MRNIP: variants seen among roughly 807,000 people sequenced by gnomAD.
MRNIP encodes the protein MRN complex-interacting protein.
A neutral mutation model predicts 29.8 loss-of-function variants in MRNIP; 30 were observed. The ratio of observed to expected loss-of-function variants is 1.01; its 90% CI spans 0.75 to 1.36. The LOEUF is 1.36. Ranked by LOEUF, MRNIP falls within the 40% of genes most tolerant of loss-of-function variation. The probability of loss-of-function intolerance (pLI) is 0.00; values close to 1 mark genes in which losing one functional copy is unlikely to be tolerated. For missense variants in MRNIP, 459 were observed against 423.5 expected, an observed-to-expected ratio of 1.08 and a Z score of -0.74; for synonymous variants, 201 against 164.1, an observed-to-expected ratio of 1.23 and a Z score of -1.72.
chr5:179,854,019 A>ATTTT (rs543395166), intron 1 of MRNIP, among the ~76,000 whole-genome samples: 7 of 121,228 alleles, frequency 5.8e-5, no homozygotes, highest in Admixed American at 5.0e-4. Context: ...GCCTGAAATA[A>ATTTT]TTTTTTTTTT....
intron 2 of MRNIP, among the ~76,000 whole-genome samples, chr5:179,852,499 G>A (rs1271010421): frequency 1.3e-5 from 2 of 152,158 alleles, no homozygotes; most frequent in African/African-American, 2.4e-5. Flanking sequence ...TGTGCTAGGT[G>A]CTGCGGATAC....
chr5:179,837,424 A>T lies in MRNIP; in HGVS notation c.999T>A (p.Phe333Leu). 1 of 1,603,988 alleles carries T rather than the reference A, an allele frequency of 6.2e-7. No individual in the cohort carries two copies. The highest frequency in any genetic ancestry group is 8.5e-7 in the Non-Finnish European group (1 of 1,174,316). The change falls in exon 7 of 7, where the codon TTT becomes TTA. Residue 333 changes from phenylalanine to leucine, a missense_variant. Transcript: ENST00000292586. ...NPRPTRLCDL[F>L]ITGEDFDDDV ...CATCATCGAAGTCTTCCCCAGTTAT[A>T]AAGAGGTCACATAGTCGTGTGGGTC...
chr5:179,840,468 C>CCA (rs1160927), intron 6 of MRNIP: 26,673 of 316,124 alleles, frequency 0.084, 1,600 homozygotes, highest in Non-Finnish European at 0.12. Context: ...ATACAAGAGT[C>CCA]CACAGCAGGG....
At chr5:179,857,592 C>G (rs1759647995) in intron 1 of MRNIP, among the ~76,000 whole-genome samples, 1 of 152,220 alleles carries the variant, frequency 6.6e-6, no homozygotes. Context: ...TAGGACCCAG[C>G]TCCCGAAAGA....
At chr5:179,838,090 A>G in intron 6 of MRNIP, 2 of 595,428 alleles carry the variant, frequency 3.4e-6, no homozygotes, top group South Asian at 4.2e-5. Flanking sequence ...CTTCTGCTAA[A>G]TTGCATGACC....
rs1258617052 is a variant in MRNIP at position 179,841,948 on chromosome 5, C to T, written c.408G>A (p.Glu136=). 1.2e-6 allele frequency: 2 copies of T among 1,614,168 alleles called. No individual in the cohort carries two copies. Among genetic ancestry groups the T allele is most frequent in the Admixed American group, 1.7e-5 (1 of 60,020 alleles). Residue 136 remains glutamate (E), a synonymous_variant, in exon 5 of 7, where the codon GAG becomes GAA. Transcript: ENST00000292586. The part of the protein sequence containing the change: ...CFSKQPSSKM[E]EPGPRFSQDL... ...CTTGACTGAAGCGGGGGCCTGGCTC[C>T]TCCATTTTGGATGAAGGCTGTTTGC...
Position 179,852,745 on chromosome 5 carries a change from G to A in MRNIP, c.126+633C>T, listed in dbSNP as rs3857305. ...GAAGGGAGAGGTGGCACTGGGGCTG[G>A]AGCAGGAAAAGAGCAAGTTCAGTAA... On this transcript the variant is annotated intron_variant, in intron 2 of 6. Transcript: ENST00000292586. Among the ~76,000 whole-genome samples the A allele has an allele frequency of 7.5e-3, 1,137 of 152,318 alleles. 14 individuals carry two copies. The highest frequency in any genetic ancestry group is 0.026 in the African/African-American group (1,086 of 41,568).
chr5:179,842,193 G>T lies in MRNIP; in HGVS notation c.292-129C>A. 1.1e-6 allele frequency: 1 copy of T among 908,892 alleles called. No individual in the cohort carries two copies. Among genetic ancestry groups the T allele is most frequent in the Non-Finnish European group, 1.7e-6 (1 of 589,614 alleles). The allele number at this position is 908,892 out of a possible 1,614,324, so 56.3% of individuals were successfully genotyped here. A position where few individuals can be genotyped will look rare whatever the true frequency, so the allele number is the denominator to read the frequency against. On this transcript the variant is annotated intron_variant, in intron 4 of 6. Transcript: ENST00000292586. ...CCAGCTCCACTCTAGGAAAGGCACCGGCTGGAAGGTGATGGACGCCAATAC... is the reference window on the plus strand; with the variant it reads ...CCAGCTCCACTCTAGGAAAGGCACCTGCTGGAAGGTGATGGACGCCAATAC...
At chr5:179,849,853 G>A (rs551206751) in intron 2 of MRNIP, among the ~76,000 whole-genome samples, 29 of 151,024 alleles carry the variant, frequency 1.9e-4, no homozygotes, top group African/African-American at 6.8e-4. Context: ...GGTACGAGAC[G>A]GAATTTGAGA....
chr5:179,839,445 C>T (rs1758770633), intron 6 of MRNIP: 1 of 152,226 alleles, frequency 6.6e-6, no homozygotes, highest in African/African-American at 2.4e-5. Context: ...CTCAGTTCCT[C>T]ACCTTTAAAA....
At chr5:179,850,157 T>A (rs955676103) in intron 2 of MRNIP, among the ~76,000 whole-genome samples, 16 of 151,906 alleles carry the variant, frequency 1.1e-4, no homozygotes, top group African/African-American at 3.4e-4. Context: ...AGAGCCTGAA[T>A]TTGAGATCCT....
chr5:179,840,757 A>G, intron 6 of MRNIP, 115 bp downstream of exon 6: 1 of 796,186 alleles, frequency 1.3e-6, no homozygotes, highest in East Asian at 2.7e-5. Flanking sequence ...CCGGGTGGGA[A>G]GATGGGCTTT....
chr5:179,844,237 A>G lies in MRNIP; in HGVS notation c.216-10T>C. ...AGTTTCTTCTAGAGACCTTCAGGGAAGACCATACATATGCCCTTTGAAAAA... is the reference window on the plus strand; with the variant it reads ...AGTTTCTTCTAGAGACCTTCAGGGAGGACCATACATATGCCCTTTGAAAAA... On this transcript the variant is annotated splice_polypyrimidine_tract_variant and intron_variant, in intron 3 of 6. Coordinates refer to ENST00000292586, the MANE Select transcript of MRNIP (RefSeq NM_016175.4). The G allele has an allele frequency of 6.2e-7, 1 of 1,611,916 alleles. No homozygotes were observed. Among genetic ancestry groups the G allele is most frequent in the Non-Finnish European group, 8.5e-7 (1 of 1,178,074 alleles).
rs182481292 is a variant in MRNIP, at chr5:179,842,993, A to C, written c.292-929T>G. ...AGTTGCAGTGAGCTGAGATCACGCC[A>C]CTGCACTCCGGCTGGGGGACACAGC... On this transcript the variant is annotated intron_variant, in intron 4 of 6. Transcript: ENST00000292586. Among the ~76,000 whole-genome samples the C allele has an allele frequency of 9.3e-4, 129 of 138,442 alleles. 1 individual carries two copies. The East Asian group carries it at 0.026, about 28-fold the overall frequency. 90.8% of individuals were successfully genotyped at this position (138,442 alleles called of 152,430 possible). A position where few individuals can be genotyped will look rare whatever the true frequency, so the allele number is the denominator to read the frequency against.
intron 4 of MRNIP, among the ~76,000 whole-genome samples, chr5:179,843,041 A>AAGGAAGGAAG (rs1561616595): frequency 1.0e-3 from 110 of 106,282 alleles, no homozygotes; most frequent in Middle Eastern, 4.7e-3. Context: ...AAAGGAGGAA[A>AAGGAAGGAAG]GAAGGAAGGA....
rs554514929 is a variant in MRNIP at position 179,848,414 on chromosome 5, C to T, written c.127-348G>A. Among the ~76,000 whole-genome samples the T allele has an allele frequency of 2.0e-5, 3 of 152,162 alleles. No individual in the cohort carries two copies. In the South Asian group the frequency reaches 6.2e-4, roughly 32 times the overall value. On this transcript the variant is annotated intron_variant, in intron 2 of 6. Transcript: ENST00000292586. ...TATTGCCATATTGTATAACATACTG[C>T]CAAAAAATATATGAAATGATACTTA...
intron 4 of MRNIP, among the ~76,000 whole-genome samples, chr5:179,843,523 G>C (rs890378909): frequency 6.6e-6 from 1 of 152,028 alleles, no homozygotes; most frequent in Non-Finnish European, 1.5e-5. Flanking sequence ...AAGATGGCCT[G>C]AGCCCAGGAG....
chr5:179,851,013 C>T (rs1759345337), intron 2 of MRNIP: 3 of 341,124 alleles, frequency 8.8e-6, no homozygotes, highest in South Asian at 2.3e-5. Flanking sequence ...AAGGGCAGCG[C>T]CCTGCTGACC....
intron 2 of MRNIP, chr5:179,851,466 A>G (rs4700702): frequency 0.47 from 215,866 of 455,048 alleles, 55,212 homozygotes; most frequent in East Asian, 0.79. Context: ...AAAATAGAGT[A>G]AAGATATAGG....
Sources: allele counts gnomAD v4.1 joint callset (sites outside exome capture counted in the v4.1 genomes callset), GRCh38; gene constraint gnomAD v4.1.1; transcripts MANE v1.5; gene names NCBI Gene and HGNC (gene_info 2026-07-23, HGNC 2026-07-21).